The following MARCHF8 variants were observed in gnomAD, a reference collection of about 807,000 sequenced individuals.
MARCHF8 encodes the protein membrane associated ring-CH-type finger 8.
Under a neutral mutation model 51.6 loss-of-function variants are expected in MARCHF8, and 40 were observed. The ratio of observed to expected loss-of-function variants is 0.77; its 90% confidence interval spans 0.60 to 1.01. The LOEUF is 1.01. MARCHF8 is among the 50% of genes least tolerant of loss of function. MARCHF8 has a pLI of 0.00. For synonymous variants in MARCHF8, 263 were observed against 280.3 expected (o/e 0.94, Z 0.62); for missense variants, 685 against 708.6 (o/e 0.97, Z 0.38).
chr10:45,499,335 T>C (rs1258557408), intron 2 of MARCHF8, among the ~76,000 whole-genome samples: 5 of 152,222 alleles, frequency 3.3e-5, no homozygotes, highest in Non-Finnish European at 7.3e-5. Flanking sequence ...TTCTAGATAT[T>C]ATCCCTTTAT....
chr10:45,486,499 G>T (rs1355595625), intron 3 of MARCHF8, among the ~76,000 whole-genome samples: 1 of 152,138 alleles, frequency 6.6e-6, no homozygotes, highest in Non-Finnish European at 1.5e-5. Flanking sequence ...AGGAGGCGGA[G>T]GTTGCAGTGA....
chr10:45,481,647 C>T (rs1347522473), intron 3 of MARCHF8, among the ~76,000 whole-genome samples: 6 of 152,186 alleles, frequency 3.9e-5, no homozygotes, highest in East Asian at 1.9e-4. Flanking sequence ...ACATGCCTTT[C>T]GCCTTCTGCC....
At chr10:45,462,619 T>G (rs1006055831) in intron 5 of MARCHF8, among the ~76,000 whole-genome samples, 25 of 148,504 alleles carry the variant, frequency 1.7e-4, no homozygotes, top group East Asian at 3.9e-4. Flanking sequence ...CCTCTTTTTT[T>G]TTTTGTTTTG....
At chr10:45,552,957 T>C (rs1344845352) in intron 1 of MARCHF8, among the ~76,000 whole-genome samples, 1 of 152,262 alleles carries the variant, frequency 6.6e-6, no homozygotes, top group Non-Finnish European at 1.5e-5. Flanking sequence ...TTACTATTTC[T>C]ATAAAACCTA....
chr10:45,463,744 C>A lies in MARCHF8; in HGVS notation c.495G>T (p.Ala165=). 1.3e-6 allele frequency: 2 copies of A among 1,551,182 alleles called. No homozygotes were observed. The highest frequency in any genetic ancestry group is 8.7e-7 in the Non-Finnish European group (1 of 1,147,138). ...SRSLNDVGEK[A]QDTSESFAYV... Reference sequence around the variant, plus strand: ...AGGCAAAACTTTCTGAAGTATCCTGCGCCTTCTCACCCACATCATTGAGGG... The same window carrying A: ...AGGCAAAACTTTCTGAAGTATCCTGAGCCTTCTCACCCACATCATTGAGGG... The change falls in exon 5 of 8, where the codon GCG becomes GCT. Residue 165 remains alanine (A), a synonymous_variant. Transcript: ENST00000453424.
At chr10:45,557,613 G>A (rs9422657) in intron 1 of MARCHF8, among the ~76,000 whole-genome samples, 9,389 of 152,210 alleles carry the variant, frequency 0.062, 329 homozygotes, top group Non-Finnish European at 0.066. Context: ...GTCTGACTGT[G>A]AACAGAAGAC....
Position 45,511,530 on chromosome 10 carries a change from G to C in MARCHF8, c.102+21580C>G, listed in dbSNP as rs562636212. ...CTGCCTGATTCTCCTGCCTCAGCCT[G>C]CCGAGTGCCTGCGATTACAGGCGCG... On this transcript the variant is annotated intron_variant, in intron 2 of 7. Transcript: ENST00000453424. Among the ~76,000 whole-genome samples, 3 of 152,306 alleles carry C rather than the reference G, an allele frequency of 2.0e-5. No individual in the cohort carries two copies. In the South Asian group the frequency reaches 6.2e-4, roughly 32 times the overall value.
intron 2 of MARCHF8, among the ~76,000 whole-genome samples, chr10:45,495,814 G>A (rs1397414101): frequency 6.7e-6 from 1 of 148,690 alleles, no homozygotes; most frequent in Non-Finnish European, 1.5e-5. Flanking sequence ...GGGGAGGGGA[G>A]AAAGGAAAGG....
At chr10:45,551,810 G>T (rs967052970) in intron 1 of MARCHF8, among the ~76,000 whole-genome samples, 9 of 151,090 alleles carry the variant, frequency 6.0e-5, no homozygotes, top group Non-Finnish European at 1.3e-4. Flanking sequence ...ATCTCATCTA[G>T]CTATCTATCT....
chr10:45,502,891 TTCTTTTTCTCTTGA>T (rs1457766592), intron 2 of MARCHF8, among the ~76,000 whole-genome samples: 1 of 152,162 alleles, frequency 6.6e-6, no homozygotes, highest in African/African-American at 2.4e-5. Flanking sequence ...CAATTGACTA[TTCTTTTTCTCTTGA>T]TTCTTTACAT....
chr10:45,508,310 G>A (rs576076252), intron 2 of MARCHF8, among the ~76,000 whole-genome samples: 1 of 139,510 alleles, frequency 7.2e-6, no homozygotes, highest in African/African-American at 2.7e-5. Flanking sequence ...CATGAAAGAG[G>A]ACAAAAATTT....
At chr10:45,527,179 A>G (rs1222542417) in intron 2 of MARCHF8, among the ~76,000 whole-genome samples, 1 of 152,114 alleles carries the variant, frequency 6.6e-6, no homozygotes, top group Non-Finnish European at 1.5e-5. Flanking sequence ...GCCTAAATCG[A>G]AAAAAATAGA....
intron 1 of MARCHF8, among the ~76,000 whole-genome samples, chr10:45,567,499 A>G (rs1360671411): frequency 6.6e-6 from 1 of 152,206 alleles, no homozygotes; most frequent in African/African-American, 2.4e-5. Flanking sequence ...GCATATGGAT[A>G]TCCAGTTTTC....
In MARCHF8 at chr10:45,461,319, T is replaced by C; in HGVS notation, c.1181A>G (p.Gln394Arg). The change falls in exon 6 of 8, where the codon CAG becomes CGG. Residue 394 changes from glutamine (Q) to arginine (R), a missense_variant. By Grantham distance (43) the Gln-to-Arg change is conservative (BLOSUM62 1). Coordinates refer to ENST00000453424, the MANE Select transcript of MARCHF8 (RefSeq NM_001282866.2). ...SLHFVHQACL[Q>R]QWIKSSDTRC... is the part of the protein sequence containing the mutation. ...CGTGTCGGAGCTCTTGATCCACTGC[T>C]GCAGGCAGGCCTGGTGCACGAAGTG... The C allele has an allele frequency of 1.2e-6, 2 of 1,608,266 alleles. No homozygotes were observed. Among genetic ancestry groups the C allele is most frequent in the Non-Finnish European group, 8.5e-7 (1 of 1,177,672 alleles).
intron 1 of MARCHF8, among the ~76,000 whole-genome samples, chr10:45,591,075 G>A (rs1265563301): frequency 6.6e-6 from 1 of 151,966 alleles, no homozygotes; most frequent in African/African-American, 2.4e-5. Flanking sequence ...TCCACCCCTT[G>A]CCCGCAAAAC....
At chr10:45,502,165 C>T (rs532722355) in intron 2 of MARCHF8, among the ~76,000 whole-genome samples, 1 of 152,264 alleles carries the variant, frequency 6.6e-6, no homozygotes, top group African/African-American at 2.4e-5. Context: ...ACATAAAAAC[C>T]TATAGGTGTC....
chr10:45,558,355 T>C lies in MARCHF8; in HGVS notation c.-78-25066A>G, dbSNP rs116547006. 4.3e-3 allele frequency among the ~76,000 whole-genome samples: 662 copies of C among 152,286 alleles called. 7 individuals are homozygous for C. The highest frequency in any genetic ancestry group is 0.015 in the African/African-American group (639 of 41,554). On this transcript the variant is annotated intron_variant, in intron 1 of 6. Coordinates refer to the MARCHF8 transcript ENST00000319836. Reference sequence around the variant, plus strand: ...GCCACAGACCATGAGAAGAGAGTAGTGGCTTGGAGGACAACATGGTATCTG... The same window carrying C: ...GCCACAGACCATGAGAAGAGAGTAGCGGCTTGGAGGACAACATGGTATCTG...
chr10:45,480,162 G>A (rs1396566739), intron 3 of MARCHF8, among the ~76,000 whole-genome samples: 1 of 152,128 alleles, frequency 6.6e-6, no homozygotes, highest in Non-Finnish European at 1.5e-5. Context: ...ATGATTTATG[G>A]TATCTGGAGG....
upstream of MARCHF8, among the ~76,000 whole-genome samples, chr10:45,536,870 A>ATAATAATAATAATAATAG (rs1554817154): frequency 1.0e-3 from 148 of 147,918 alleles, no homozygotes; most frequent in Middle Eastern, 3.6e-3. Flanking sequence ...AATAATAATA[A>ATAATAATAATAATAATAG]TAATAATAAT....
Sources: gnomAD v4.1 joint callset for allele counts (sites outside exome capture counted in the v4.1 genomes callset) on GRCh38, gnomAD v4.1.1 for gene constraint, MANE v1.5 for transcripts, NCBI Gene and HGNC (gene_info 2026-07-23, HGNC 2026-07-21) for gene names.